Variants in ARHGAP22 observed in about 807,000 individuals in gnomAD.
ARHGAP22 encodes Rho GTPase activating protein 22.
A neutral mutation model predicts 59.1 loss-of-function variants in ARHGAP22; 48 were observed. The ratio of observed to expected loss-of-function variants is 0.81; its 90% CI spans 0.64 to 1.03. The LOEUF (loss-of-function observed/expected upper bound fraction) is 1.03. Among genes scored for constraint, ARHGAP22 ranks in the 50% least tolerant of loss-of-function variants. ARHGAP22 has a pLI of 0.00. For synonymous variants in ARHGAP22, 445 were observed against 416.4 expected (o/e 1.07, Z -0.84); for missense variants, 1,015 against 958.7 (o/e 1.06, Z -0.78).
chr10:48,644,708 G>A (rs2062216396), intron 1 of ARHGAP22, among the ~76,000 whole-genome samples: 2 of 152,128 alleles, frequency 1.3e-5, no homozygotes, highest in African/African-American at 4.8e-5. Flanking sequence ...AAGGGAAGTT[G>A]GAACATATTT....
chr10:48,655,054 C>CTCCT (rs2062740078), upstream of ARHGAP22, among the ~76,000 whole-genome samples: 14 of 61,610 alleles, frequency 2.3e-4, no homozygotes, highest in African/African-American at 9.4e-4. Flanking sequence ...TTCTTTCTTT[C>CTCCT]TCCTTCCTTC....
chr10:48,544,342 C>G (rs141236662), intron 3 of ARHGAP22, among the ~76,000 whole-genome samples: 34 of 152,310 alleles, frequency 2.2e-4, no homozygotes, highest in African/African-American at 8.2e-4. Flanking sequence ...CTGTCTTACT[C>G]CAAGTCTGAG....
At chr10:48,533,767 CA>C (rs2134994045) in intron 3 of ARHGAP22, among the ~76,000 whole-genome samples, 1 of 152,322 alleles carries the variant, frequency 6.6e-6, no homozygotes, top group South Asian at 2.1e-4. Context: ...GGTGGCAAGC[CA>C]GATCTGGCCT....
chr10:48,630,590 C>T (rs2061597840), intron 1 of ARHGAP22, among the ~76,000 whole-genome samples: 1 of 151,910 alleles, frequency 6.6e-6, no homozygotes, highest in South Asian at 2.1e-4. Flanking sequence ...TTTCAAATTC[C>T]AGCTGTTCAT....
intron 1 of ARHGAP22, among the ~76,000 whole-genome samples, chr10:48,601,628 A>G (rs1168897657): frequency 1.3e-5 from 2 of 152,172 alleles, no homozygotes; most frequent in African/African-American, 4.8e-5. Context: ...CCAATTAGTT[A>G]TATTAAAATT....
At chr10:48,491,925 T>C (rs543433186) in intron 3 of ARHGAP22, among the ~76,000 whole-genome samples, 154 of 152,380 alleles carry the variant, frequency 1.0e-3, no homozygotes, top group African/African-American at 3.6e-3. Flanking sequence ...TGCTTCTGCC[T>C]GTGGCTTGTT....
At chr10:48,494,605 A>G (rs1003296283) in intron 3 of ARHGAP22, among the ~76,000 whole-genome samples, 2 of 152,014 alleles carry the variant, frequency 1.3e-5, no homozygotes, top group Non-Finnish European at 2.9e-5. Flanking sequence ...CCATCTATCT[A>G]TCCATCCATC....
intron 3 of ARHGAP22, among the ~76,000 whole-genome samples, chr10:48,505,032 T>A (rs1321696190): frequency 9.4e-6 from 1 of 106,286 alleles, no homozygotes; most frequent in East Asian, 5.1e-4. Context: ...CTGCTTTCTC[T>A]GTCTCCAGAA....
downstream of ARHGAP22, among the ~76,000 whole-genome samples, chr10:48,441,966 T>A (rs965617847): frequency 3.3e-5 from 5 of 152,184 alleles, no homozygotes; most frequent in Non-Finnish European, 5.9e-5. Context: ...GAAGAGCCTG[T>A]CCTACTGGAG....
chr10:48,642,980 A>G (rs1314508314), intron 1 of ARHGAP22, among the ~76,000 whole-genome samples: 2 of 152,278 alleles, frequency 1.3e-5, no homozygotes, highest in East Asian at 3.8e-4. Context: ...CAACAGACAC[A>G]TGAAAAAATG....
At chr10:48,599,029 G>T (rs2060234358) in intron 1 of ARHGAP22, among the ~76,000 whole-genome samples, 1 of 152,192 alleles carries the variant, frequency 6.6e-6, no homozygotes, top group Admixed American at 6.5e-5. Context: ...GAAAAATGGG[G>T]CAATAGTGGT....
intron 1 of ARHGAP22, among the ~76,000 whole-genome samples, chr10:48,621,468 TG>T (rs2061283404): frequency 6.6e-6 from 1 of 152,246 alleles, no homozygotes; most frequent in South Asian, 2.1e-4. Context: ...TTTAAGTAAA[TG>T]GTAACTATTG....
intron 3 of ARHGAP22, chr10:48,510,880 G>C (rs2052693191): frequency 6.6e-6 from 1 of 152,228 alleles, no homozygotes; most frequent in African/African-American, 2.4e-5. Flanking sequence ...AAACGAGAAG[G>C]CTGAGCCAGG....
At position 48,476,616 on chromosome 10, in the gene ARHGAP22, G is replaced by A. The variant is rs73303075; in HGVS notation, c.451+3020C>T. On this transcript the variant is annotated intron_variant, in intron 4 of 9. Coordinates refer to ENST00000249601, the MANE Select transcript of ARHGAP22 (RefSeq NM_021226.4). ...ATTTCTGCATTTCCTCTGTACTCCC[G>A]GGAGAAAGGAGATAAGCGCCTTTGA... is the stretch of plus-strand genomic sequence containing the variant. Among the ~76,000 whole-genome samples, 314 of 152,312 alleles carry A rather than the reference G, an allele frequency of 2.1e-3. 3 individuals are homozygous for A. Among genetic ancestry groups the A allele is most frequent in the African/African-American group, 6.6e-3 (276 of 41,570 alleles).
intron 2 of ARHGAP22, chr10:48,582,619 G>A (rs1011847602): frequency 2.3e-5 from 8 of 346,924 alleles, no homozygotes; most frequent in Non-Finnish European, 3.7e-5. Flanking sequence ...CAAGATACAA[G>A]TAATGAAATG....
At chr10:48,431,507 T>C in the ARHGAP22 span, among the ~76,000 whole-genome samples, 1 of 152,340 alleles carries the variant, frequency 6.6e-6, no homozygotes, top group South Asian at 2.1e-4. Context: ...AACAGAAATT[T>C]AAAAACTTTT....
intron 1 of ARHGAP22, among the ~76,000 whole-genome samples, chr10:48,641,698 C>T (rs1247676702): frequency 1.3e-5 from 2 of 152,084 alleles, no homozygotes; most frequent in African/African-American, 2.4e-5. Context: ...ACAGGGATGC[C>T]CTCTCTCACC....
intron 3 of ARHGAP22, among the ~76,000 whole-genome samples, chr10:48,504,683 G>T (rs1229454319): frequency 1.3e-5 from 2 of 152,176 alleles, no homozygotes; most frequent in Non-Finnish European, 2.9e-5. Flanking sequence ...CTTCTGTGGG[G>T]CTCCGTGGGC....
At chr10:48,473,914 G>A (rs1194299129) in intron 4 of ARHGAP22, among the ~76,000 whole-genome samples, 2 of 152,174 alleles carry the variant, frequency 1.3e-5, no homozygotes, top group Admixed American at 6.5e-5. Flanking sequence ...CAGCCCTGGG[G>A]ACCCGGTGAC....
Sources: allele counts gnomAD v4.1 joint callset (sites outside exome capture counted in the v4.1 genomes callset), GRCh38; gene constraint gnomAD v4.1.1; transcripts MANE v1.5; gene names NCBI Gene and HGNC (gene_info 2026-07-23, HGNC 2026-07-21).